The following RANBP3L variants were observed in gnomAD, a reference collection of about 807,000 sequenced individuals.
RANBP3L encodes ran-binding protein 3-like.
A neutral mutation model predicts 67.2 loss-of-function variants in RANBP3L; 56 were observed. That is an observed-to-expected ratio of 0.83 (90% CI 0.67 to 1.04). The LOEUF (loss-of-function observed/expected upper bound fraction) is 1.04, where lower values mean the gene tolerates loss of function less well. Ranked by LOEUF, RANBP3L falls within the 50% of genes least tolerant of loss-of-function variation. The pLI is 0.00. For missense variants in RANBP3L, 496 were observed against 535.5 expected (o/e 0.93, Z 0.73); for synonymous variants, 164 against 181.4 (o/e 0.90, Z 0.77).
chr5:36,271,316 G>T lies in RANBP3L; in HGVS notation c.92-5C>A. On this transcript the variant is annotated splice_region_variant and splice_polypyrimidine_tract_variant and intron_variant, in intron 1 of 13. Coordinates refer to ENST00000296604, the MANE Select transcript of RANBP3L (RefSeq NM_145000.5). ...GTTGAGCAATGACAGATTTTTCTGT[G>T]AAAAAAAAGAAAACAGGCAAGAAAT... The T allele has an allele frequency of 6.5e-7, 1 of 1,544,554 alleles. No individual in the cohort carries two copies. The highest frequency in any genetic ancestry group is 8.9e-7 in the Non-Finnish European group (1 of 1,123,798).
At chr5:36,270,074 TTAAAAG>T (rs1750101906) in intron 2 of RANBP3L, 84 bp from the exon 3 acceptor site, 12 of 1,228,480 alleles carry the variant, frequency 9.8e-6, no homozygotes, top group Middle Eastern at 1.9e-4. Context: ...GTTTTGGCAA[TTAAAAG>T]TAATGGCAAA....
At chr5:36,259,548 A>C (rs897359431) in intron 8 of RANBP3L, among the ~76,000 whole-genome samples, 1 of 150,018 alleles carries the variant, frequency 6.7e-6, no homozygotes, top group Non-Finnish European at 1.5e-5. Context: ...GTGCCACTGC[A>C]CTCCAGCCTA....
intron 6 of RANBP3L, among the ~76,000 whole-genome samples, chr5:36,263,959 G>A (rs1749573813): frequency 6.6e-6 from 1 of 152,182 alleles, no homozygotes; most frequent in Non-Finnish European, 1.5e-5. Context: ...TATATAGCAT[G>A]CATAAATGAT....
At chr5:36,300,339 G>T (rs1238706102) in intron 1 of RANBP3L, among the ~76,000 whole-genome samples, 1 of 152,154 alleles carries the variant, frequency 6.6e-6, no homozygotes, top group Non-Finnish European at 1.5e-5. Flanking sequence ...GCCTTGTAGA[G>T]CATGAAGTCA....
intron 1 of RANBP3L, among the ~76,000 whole-genome samples, chr5:36,282,685 C>T (rs968787616): frequency 5.9e-5 from 9 of 152,144 alleles, no homozygotes; most frequent in Admixed American, 3.3e-4. Flanking sequence ...TGTTATTCCA[C>T]GGAGAACAAG....
rs1319628533 is a variant in RANBP3L, at chr5:36,251,560, T to C, written c.1168-61A>G. On this transcript the variant is annotated intron_variant, in intron 12 of 13. Coordinates refer to ENST00000296604, the MANE Select transcript of RANBP3L (RefSeq NM_145000.5). ...TAATATGTTAGCTACATTTTACAGA[T>C]TTTTAATCTTTCACTACTAATAAGG... 8.2e-6 allele frequency: 11 copies of C among 1,338,608 alleles called. No homozygotes were observed. In the East Asian group the frequency reaches 2.4e-4, roughly 29 times the overall value. The allele number at this position is 1,338,608 out of a possible 1,614,324, so 82.9% of individuals were successfully genotyped here.
At chr5:36,299,780 G>A (rs956307433) in intron 1 of RANBP3L, among the ~76,000 whole-genome samples, 7 of 152,234 alleles carry the variant, frequency 4.6e-5, no homozygotes, top group East Asian at 1.9e-4. Flanking sequence ...GGAACAGTGT[G>A]CAACTGTTAA....
At chr5:36,268,332 G>A in intron 4 of RANBP3L, 2 of 1,152,660 alleles carry the variant, frequency 1.7e-6, no homozygotes, top group South Asian at 1.7e-5. Flanking sequence ...TTCATTTGGA[G>A]TTTTGCTGTT....
intron 1 of RANBP3L, among the ~76,000 whole-genome samples, chr5:36,277,422 C>CTCTCTCTATA (rs377029015): frequency 2.6e-5 from 3 of 115,260 alleles, no homozygotes; most frequent in African/African-American, 1.0e-4. Context: ...CTCTCTCTCT[C>CTCTCTCTATA]TATATATATA....
chr5:36,277,436 ATATATGTG>A (rs1397663594), intron 1 of RANBP3L, among the ~76,000 whole-genome samples: 178 of 93,520 alleles, frequency 1.9e-3, no homozygotes, highest in African/African-American at 7.0e-3. Context: ...ATATATATAT[ATATATGTG>A]TGTGTGTGTG....
rs150395742 is a variant in RANBP3L, at chr5:36,257,369, C to A, written c.772+85G>T. 8.9e-3 allele frequency: 4,302 copies of A among 482,606 alleles called. 43 individuals are homozygous for A. Among genetic ancestry groups the A allele is most frequent in the Non-Finnish European group, 0.012 (3,498 of 282,864 alleles). 29.9% of individuals were successfully genotyped at this position (482,606 alleles called of 1,614,324 possible). A position where few individuals can be genotyped will look rare whatever the true frequency, so the allele number is the denominator to read the frequency against. On this transcript the variant is annotated intron_variant, in intron 9 of 13. Coordinates refer to ENST00000296604, the MANE Select transcript of RANBP3L (RefSeq NM_145000.5). ...AATCTTATAGTAAATATTAATTTTA[C>A]TTATATTAAATATTAATGTTAATAA...
chr5:36,254,047 A>G (rs1249488398), intron 11 of RANBP3L, among the ~76,000 whole-genome samples: 3 of 152,148 alleles, frequency 2.0e-5, no homozygotes, highest in Non-Finnish European at 1.5e-5. Context: ...CCTTTTAAGA[A>G]CTGATGGTCT....
chr5:36,255,093 A>C (rs577280051), intron 11 of RANBP3L, among the ~76,000 whole-genome samples: 31 of 152,162 alleles, frequency 2.0e-4, no homozygotes, highest in Admixed American at 6.6e-4. Flanking sequence ...AATAATAATA[A>C]GATTACTATT....
chr5:36,293,925 T>A lies in RANBP3L; in HGVS notation c.91+7401A>T, dbSNP rs1751996891. ...ATGATGCTGGCCTCATAGAATGAGT[T>A]ATGGAGGATTCCCTCTTTTTCTATT... is the stretch of plus-strand genomic sequence containing the variant. On this transcript the variant is annotated intron_variant, in intron 1 of 13. Transcript: ENST00000296604. Among the ~76,000 whole-genome samples the A allele has an allele frequency of 2.7e-5, 4 of 149,540 alleles. No homozygotes were observed. In the South Asian group the frequency reaches 8.6e-4, roughly 32 times the overall value.
chr5:36,255,700 T>G, intron 10 of RANBP3L, 110 bp from the exon 11 acceptor site: 1 of 616,982 alleles, frequency 1.6e-6, no homozygotes, highest in East Asian at 3.2e-5. Context: ...CAAAATAATC[T>G]TTGTTAATGA....
At chr5:36,268,176 T>C (rs1212304085) in intron 4 of RANBP3L, 1 of 1,494,998 alleles carries the variant, frequency 6.7e-7, no homozygotes, top group Non-Finnish European at 9.0e-7. Flanking sequence ...CTTGAGGTTC[T>C]AGAAACTCTT....
chr5:36,255,735 A>G (rs886177046), intron 10 of RANBP3L, 145 bp from the exon 11 acceptor site: 2 of 513,776 alleles, frequency 3.9e-6, no homozygotes, highest in African/African-American at 4.0e-5. Flanking sequence ...TTTAAAATAT[A>G]TTTAACATTT....
intron 1 of RANBP3L, 101 bp downstream of exon 1, chr5:36,301,225 G>A (rs1752587007): frequency 1.2e-6 from 1 of 836,190 alleles, no homozygotes; most frequent in African/African-American, 1.7e-5. Flanking sequence ...TCACTATTAT[G>A]TCAGAGCTTC....
Position 36,269,937 on chromosome 5 carries a change from A to T in RANBP3L, c.190+14T>A. On this transcript the variant is annotated intron_variant, in intron 3 of 13. Coordinates refer to ENST00000296604, the MANE Select transcript of RANBP3L (RefSeq NM_145000.5). ...ATAAAGATTGATTTTGGAATACAGGATGAAAATCATTACCTGGTTCTGCTG... is the reference window on the plus strand; with the variant it reads ...ATAAAGATTGATTTTGGAATACAGGTTGAAAATCATTACCTGGTTCTGCTG... The T allele has an allele frequency of 6.2e-7, 1 of 1,609,384 alleles. No individual in the cohort carries two copies. Among genetic ancestry groups the T allele is most frequent in the Non-Finnish European group, 8.5e-7 (1 of 1,175,658 alleles).
Sources: gnomAD v4.1 joint callset for allele counts (sites outside exome capture counted in the v4.1 genomes callset) on GRCh38, gnomAD v4.1.1 for gene constraint, MANE v1.5 for transcripts, NCBI Gene and HGNC (gene_info 2026-07-23, HGNC 2026-07-21) for gene names.